Variants in RBMS2 observed in about 807,000 individuals in gnomAD.
RBMS2 encodes the protein RNA binding motif single stranded interacting protein 2.
In RBMS2, 38 loss-of-function variants were observed where a neutral mutation model predicts 58.4. That is an observed-to-expected ratio of 0.65 (90% CI 0.50 to 0.85). The LOEUF is 0.85. RBMS2 is among the 40% of genes least tolerant of loss of function. RBMS2 has a pLI of 0.00. For synonymous variants in RBMS2, 151 were observed against 180.7 expected (o/e 0.84, Z 1.32); for missense variants, 367 against 503.7 (o/e 0.73, Z 2.60).
At chr12:56,553,794 T>TA (rs1385469149) in intron 1 of RBMS2, among the ~76,000 whole-genome samples, 2 of 150,700 alleles carry the variant, frequency 1.3e-5, no homozygotes, top group Admixed American at 1.3e-4. Context: ...GAGTCTTTTT[T>TA]AAAAAAAGAA....
At position 56,569,948 on chromosome 12, in the gene RBMS2, A is replaced by G; in HGVS notation, c.342A>G (p.Val114=). 5.0e-6 allele frequency: 8 copies of G among 1,614,016 alleles called. No individual in the cohort carries two copies. Among genetic ancestry groups the G allele is most frequent in the Non-Finnish European group, 6.8e-6 (8 of 1,179,906 alleles). ...FDSPSAAQKA[V]TALKASGVQA... ...GCCCTTCAGCAGCACAGAAAGCTGT[A>G]ACAGCACTGAAGGCCAGCGGTGTAC... The change falls in exon 4 of 14, where the codon GTA becomes GTG. Residue 114 remains valine (V), a synonymous_variant. Transcript: ENST00000262031.
At position 56,569,960 on chromosome 12, in the gene RBMS2, G is replaced by T. The variant is rs1882012745; in HGVS notation, c.354G>T (p.Lys118Asn). 1.2e-6 allele frequency: 2 copies of T among 1,613,772 alleles called. No homozygotes were observed. Among genetic ancestry groups the T allele is most frequent in the Non-Finnish European group, 1.7e-6 (2 of 1,179,686 alleles). The change falls in exon 4 of 14, where the codon AAG (lysine) becomes AAT (asparagine). Residue 118 changes from lysine (K) to asparagine (N), a missense_variant. By Grantham distance (94) the Lys-to-Asn change is moderately conservative. Transcript: ENST00000262031. ...SAAQKAVTAL[K>N]ASGVQAQMAK... ...CACAGAAAGCTGTAACAGCACTGAA[G>T]GCCAGCGGTGTACAGGCACAGATGG...
At chr12:56,564,591 T>C (rs1187180734) in intron 2 of RBMS2, among the ~76,000 whole-genome samples, 1 of 152,172 alleles carries the variant, frequency 6.6e-6, no homozygotes, top group African/African-American at 2.4e-5. Context: ...CTCAAACTTA[T>C]GCGCTCAATC....
intron 5 of RBMS2, among the ~76,000 whole-genome samples, chr12:56,575,862 C>G (rs1883048508): frequency 6.6e-6 from 1 of 151,446 alleles, no homozygotes; most frequent in African/African-American, 2.4e-5. Context: ...CCATTGCACT[C>G]CAGCCTGGGC....
chr12:56,536,069 C>T (rs939770524), intron 1 of RBMS2, among the ~76,000 whole-genome samples: 4 of 151,606 alleles, frequency 2.6e-5, no homozygotes, highest in South Asian at 4.2e-4. Flanking sequence ...GGCGTGGTGG[C>T]GCACACCGTA....
rs540063027 is a variant in RBMS2, at chr12:56,524,540, A to G, written c.66+2451A>G. Among the ~76,000 whole-genome samples, 3 of 149,624 alleles carry G rather than the reference A, an allele frequency of 2.0e-5. No homozygotes were observed. In the South Asian group the frequency reaches 6.3e-4, roughly 32 times the overall value. On this transcript the variant is annotated intron_variant, in intron 1 of 13. Coordinates refer to ENST00000262031, the MANE Select transcript of RBMS2 (RefSeq NM_002898.4). ...TCAAGCAATTCTGCCTCAGCCTCAC[A>G]AGTAGCTGGAACTACAGGAGTGCCA...
upstream of RBMS2, among the ~76,000 whole-genome samples, chr12:56,521,502 G>GTTTTTTTTTTTTTTTTTTTTT (rs68129205): frequency 6.8e-5 from 5 of 73,158 alleles, 1 homozygote; most frequent in African/African-American, 2.2e-4. Flanking sequence ...CTCTAACTCT[G>GTTTTTTTTTTTTTTTTTTTTT]TTTTTTTTTT....
intron 9 of RBMS2, among the ~76,000 whole-genome samples, chr12:56,582,924 C>T (rs1884173332): frequency 1.3e-5 from 2 of 152,048 alleles, no homozygotes; most frequent in Non-Finnish European, 2.9e-5. Flanking sequence ...CCCGCCTCGG[C>T]CTCCCAAAGT....
intron 1 of RBMS2, among the ~76,000 whole-genome samples, chr12:56,555,579 A>T (rs139677988): frequency 1.2e-4 from 18 of 151,352 alleles, no homozygotes; most frequent in Non-Finnish European, 2.4e-4. Flanking sequence ...ACATAGCAAG[A>T]CTCCGCCTCT....
At chr12:56,555,458 G>GAAGAAGA (rs1253036913) in intron 1 of RBMS2, among the ~76,000 whole-genome samples, 1 of 150,694 alleles carries the variant, frequency 6.6e-6, no homozygotes, top group Non-Finnish European at 1.5e-5. Flanking sequence ...AAAAAAAAAG[G>GAAGAAGA]AAGAAGAAGA....
At chr12:56,530,566 C>A (rs777675669) in intron 1 of RBMS2, among the ~76,000 whole-genome samples, 2 of 151,442 alleles carry the variant, frequency 1.3e-5, no homozygotes, top group Non-Finnish European at 2.9e-5. Context: ...CACTATATTG[C>A]CCTGGCTGGT....
intron 1 of RBMS2, among the ~76,000 whole-genome samples, chr12:56,556,376 C>CTT (rs778701977): frequency 8.6e-5 from 12 of 140,124 alleles, no homozygotes; most frequent in Middle Eastern, 3.4e-3. Flanking sequence ...TGTCTTTTAG[C>CTT]TTTTTTTTTT....
rs537477916 is a variant in RBMS2 at position 56,530,234 on chromosome 12, T to C, written c.66+8145T>C. ...TGAATTTATACTTAAATGGGTGACG[T>C]GTATGGTATGTGAATTATGTCTCAG... On this transcript the variant is annotated intron_variant, in intron 1 of 13. Coordinates refer to ENST00000262031, the MANE Select transcript of RBMS2 (RefSeq NM_002898.4). Among the ~76,000 whole-genome samples the C allele has an allele frequency of 5.3e-5, 8 of 151,082 alleles. No individual in the cohort carries two copies. In the South Asian group the frequency reaches 1.5e-3, roughly 28 times the overall value.
At chr12:56,529,626 A>G (rs975484708) in intron 1 of RBMS2, among the ~76,000 whole-genome samples, 20 of 152,152 alleles carry the variant, frequency 1.3e-4, no homozygotes, top group Non-Finnish European at 1.6e-4. Flanking sequence ...AAAAAAGAAA[A>G]AAGGATGGAA....
At chr12:56,537,606 T>C (rs1875152614) in intron 1 of RBMS2, among the ~76,000 whole-genome samples, 1 of 152,238 alleles carries the variant, frequency 6.6e-6, no homozygotes, top group African/African-American at 2.4e-5. Context: ...TGATGGATAC[T>C]TGGGTTGCTT....
At chr12:56,581,581 C>T in intron 7 of RBMS2, 73 bp downstream of exon 7, 1 of 1,462,716 alleles carries the variant, frequency 6.8e-7, no homozygotes. Flanking sequence ...GGCATGATTT[C>T]TGTGAGCTTA....
intron 1 of RBMS2, among the ~76,000 whole-genome samples, chr12:56,524,458 C>T (rs1392836767): frequency 1.3e-5 from 2 of 151,566 alleles, no homozygotes; most frequent in African/African-American, 4.9e-5. Context: ...CGCTCTGTCA[C>T]CCAGGCTGGA....
chr12:56,541,113 A>C (rs867700773), intron 1 of RBMS2, among the ~76,000 whole-genome samples: 6 of 151,796 alleles, frequency 4.0e-5, no homozygotes, highest in Admixed American at 1.3e-4. Context: ...AAAAAAAAAA[A>C]AACCCCAAAA....
chr12:56,575,888 C>G (rs1883053880), intron 5 of RBMS2, among the ~76,000 whole-genome samples: 1 of 150,334 alleles, frequency 6.7e-6, no homozygotes, highest in Non-Finnish European at 1.5e-5. Context: ...GAGCAAAACT[C>G]CATCTCAAAG....
Sources: allele counts gnomAD v4.1 joint callset (sites outside exome capture counted in the v4.1 genomes callset), GRCh38; gene constraint gnomAD v4.1.1; transcripts MANE v1.5; gene names NCBI Gene and HGNC (gene_info 2026-07-23, HGNC 2026-07-21).